The following SLC44A1 variants were observed in gnomAD, a reference collection of about 807,000 sequenced individuals.
The protein encoded by SLC44A1 is choline transporter-like protein 1.
In SLC44A1, 26 loss-of-function variants were observed where a neutral mutation model predicts 79.3. The observed-to-expected ratio is 0.33, with a 90% confidence interval of 0.24 to 0.46. SLC44A1 has a LOEUF of 0.46. Among genes scored for constraint, SLC44A1 ranks in the 20% least tolerant of loss-of-function variants. The pLI is 1.00. For synonymous variants in SLC44A1, 263 were observed against 286.2 expected (o/e 0.92, Z 0.82); for missense variants, 688 against 798.1 (o/e 0.86, Z 1.66).
At position 105,395,189 on chromosome 9, in the gene SLC44A1, C is replaced by T. The variant is rs1006975204; in HGVS notation, c.*6133C>T. 1.0e-6 allele frequency: 1 copy of T among 985,178 alleles called. No homozygotes were observed. Among genetic ancestry groups the T allele is most frequent in the African/African-American group, 1.7e-5 (1 of 57,238 alleles). 61.0% of individuals were successfully genotyped at this position (985,178 alleles called of 1,614,324 possible). A position where few individuals can be genotyped will look rare whatever the true frequency, so the allele number is the denominator to read the frequency against. On this transcript the variant is annotated 3_prime_UTR_variant, in exon 16 of 16. Transcript: ENST00000374720. The stretch of plus-strand genomic sequence containing the variant: ...AGTCAGCCCCCTACCCCACCCCACA[C>T]TCCTAGAAAAGTTTGGGGGTTTTTT...
chr9:105,244,914 T>A lies in SLC44A1; in HGVS notation c.36+10T>A, dbSNP rs1039596317. The A allele has an allele frequency of 1.2e-5, 14 of 1,178,480 alleles. No homozygotes were observed. In the South Asian group the frequency reaches 5.0e-4, roughly 42 times the overall value. 73.0% of individuals were successfully genotyped at this position (1,178,480 alleles called of 1,614,324 possible). A position where few individuals can be genotyped will look rare whatever the true frequency, so the allele number is the denominator to read the frequency against. On this transcript the variant is annotated intron_variant, in intron 1 of 15. Coordinates refer to ENST00000374720, the MANE Select transcript of SLC44A1 (RefSeq NM_080546.5). ...CTCCTCCGCCGCGCAGGTGAGGGGCTCCCGCCTCCCGGCCGCCCGCCCGGA... is the reference window on the plus strand; with the variant it reads ...CTCCTCCGCCGCGCAGGTGAGGGGCACCCGCCTCCCGGCCGCCCGCCCGGA...
intron 15 of SLC44A1, among the ~76,000 whole-genome samples, chr9:105,420,697 A>G (rs544857711): frequency 3.9e-5 from 6 of 152,034 alleles, no homozygotes; most frequent in African/African-American, 1.4e-4. Flanking sequence ...CCCCCTCTCT[A>G]CTAAAAATAC....
intron 4 of SLC44A1, among the ~76,000 whole-genome samples, chr9:105,343,613 A>C (rs1256617484): frequency 6.6e-6 from 1 of 152,222 alleles, no homozygotes; most frequent in Non-Finnish European, 1.5e-5. Context: ...TAGCAACCGA[A>C]TTAATTGTCT....
chr9:105,299,872 A>T (rs1830830213), intron 2 of SLC44A1: 13 of 985,972 alleles, frequency 1.3e-5, no homozygotes, highest in Non-Finnish European at 1.6e-5. Flanking sequence ...TTTCAATTAG[A>T]GATCAAGGGA....
Position 105,393,940 on chromosome 9 carries a change from A to G in SLC44A1, c.*4884A>G. 1 of 984,382 alleles carries G rather than the reference A, an allele frequency of 1.0e-6. No individual in the cohort carries two copies. Among genetic ancestry groups the G allele is most frequent in the Non-Finnish European group, 1.2e-6 (1 of 828,984 alleles). 61.0% of individuals were successfully genotyped at this position (984,382 alleles called of 1,614,324 possible). On this transcript the variant is annotated 3_prime_UTR_variant, in exon 16 of 16. Coordinates refer to ENST00000374720, the MANE Select transcript of SLC44A1 (RefSeq NM_080546.5). ...CATTGTAATTTACAAATGTCTCAGA[A>G]ATTTCTCACTTTTATTTGCTAAGAC...
downstream of SLC44A1, among the ~76,000 whole-genome samples, chr9:105,400,217 G>C (rs1479706042): frequency 6.6e-6 from 1 of 151,822 alleles, no homozygotes; most frequent in African/African-American, 2.4e-5. Flanking sequence ...AAGGCTGGGC[G>C]CGGTGGCTCA....
At chr9:105,304,944 GTTTTTTTTTTTT>G (rs10589897) in intron 2 of SLC44A1, among the ~76,000 whole-genome samples, 39 of 20,022 alleles carry the variant, frequency 1.9e-3, no homozygotes, top group Admixed American at 4.1e-3. Flanking sequence ...ACTTTCTATC[GTTTTTTTTTTTT>G]TTTTTTTTTT....
chr9:105,433,900 TG>T (rs994352969), intron 15 of SLC44A1, among the ~76,000 whole-genome samples: 1 of 152,112 alleles, frequency 6.6e-6, no homozygotes, highest in African/African-American at 2.4e-5. Context: ...ACCAGACCCT[TG>T]GGGAAAGTCT....
At chr9:105,366,911 C>T (rs938536752) in intron 12 of SLC44A1, among the ~76,000 whole-genome samples, 16 of 149,648 alleles carry the variant, frequency 1.1e-4, no homozygotes, top group African/African-American at 3.4e-4. Context: ...TACTATCATT[C>T]GAACTAGTGT....
At chr9:105,437,117 G>C in intron 15 of SLC44A1, among the ~76,000 whole-genome samples, 1 of 151,982 alleles carries the variant, frequency 6.6e-6, no homozygotes, top group Non-Finnish European at 1.5e-5. Context: ...ATCCTAATGG[G>C]GCTTTTTTAT....
At chr9:105,365,441 T>C (rs1246722211) in intron 10 of SLC44A1, 42 bp from the exon 11 acceptor site, 3 of 1,528,470 alleles carry the variant, frequency 2.0e-6, no homozygotes, top group East Asian at 4.5e-5. Context: ...CATCCTGATC[T>C]AGGCTTTGTT....
rs1397580566 is a variant in SLC44A1 at position 105,309,884 on chromosome 9, A to G, written c.269+18A>G. 1.9e-6 allele frequency: 3 copies of G among 1,609,422 alleles called. No homozygotes were observed. Among genetic ancestry groups the G allele is most frequent in the Admixed American group, 1.7e-5 (1 of 59,774 alleles). ...CAGCGGAAGTGAGTAGACTTGCTGA[A>G]TGATGAACACATGGAAACTTTGAAA... is the stretch of plus-strand genomic sequence containing the variant. On this transcript the variant is annotated intron_variant, in intron 3 of 15. Transcript: ENST00000374720.
intron 5 of SLC44A1, among the ~76,000 whole-genome samples, chr9:105,354,173 C>T (rs1430110618): frequency 6.7e-6 from 1 of 148,888 alleles, no homozygotes; most frequent in African/African-American, 2.5e-5. Context: ...GCCTCAGCCT[C>T]CCGAGTAGCT....
chr9:105,260,853 A>T (rs1237265588), intron 1 of SLC44A1, among the ~76,000 whole-genome samples: 1 of 152,224 alleles, frequency 6.6e-6, no homozygotes, highest in Non-Finnish European at 1.5e-5. Context: ...CCAAATGACC[A>T]TTCGGAGATG....
intron 2 of SLC44A1, chr9:105,299,919 G>A (rs1258711148): frequency 1.0e-6 from 1 of 985,602 alleles, no homozygotes; most frequent in East Asian, 1.1e-4. Context: ...GAATGGAGGA[G>A]CAGAGTTGCT....
At chr9:105,413,841 C>T (rs1829130378) in intron 15 of SLC44A1, among the ~76,000 whole-genome samples, 1 of 152,082 alleles carries the variant, frequency 6.6e-6, no homozygotes, top group African/African-American at 2.4e-5. Context: ...AGACGTGATC[C>T]CCCTGACTAC....
intron 2 of SLC44A1, among the ~76,000 whole-genome samples, chr9:105,308,109 A>G (rs1472555199): frequency 6.6e-6 from 1 of 152,256 alleles, no homozygotes; most frequent in Admixed American, 6.5e-5. Flanking sequence ...ATAGATGGCA[A>G]ACTGAGGCAC....
intron 5 of SLC44A1, chr9:105,356,004 C>T: frequency 1.8e-6 from 1 of 556,040 alleles, no homozygotes; most frequent in South Asian, 2.3e-5. Context: ...GCACTCCACC[C>T]TCTTTGATAA....
At chr9:105,251,972 A>G (rs1436861998) in intron 1 of SLC44A1, among the ~76,000 whole-genome samples, 2 of 150,222 alleles carry the variant, frequency 1.3e-5, no homozygotes, top group Non-Finnish European at 2.9e-5. Context: ...CTGACCTGCT[A>G]CCTGTTTTTT....
Sources: gnomAD v4.1 joint callset for allele counts (sites outside exome capture counted in the v4.1 genomes callset) on GRCh38, gnomAD v4.1.1 for gene constraint, MANE v1.5 for transcripts, NCBI Gene and HGNC (gene_info 2026-07-23, HGNC 2026-07-21) for gene names.